LDLRAD4: variants seen among roughly 807,000 people sequenced by gnomAD.
LDLRAD4 encodes the protein low density lipoprotein receptor class A domain containing 4.
Under a neutral mutation model 17.0 loss-of-function variants are expected in LDLRAD4, and 5 were observed. That is an observed-to-expected ratio of 0.29 (90% CI 0.15 to 0.62). The LOEUF is 0.62. Among genes scored for constraint, LDLRAD4 ranks in the 20% least tolerant of loss-of-function variants. LDLRAD4 has a pLI of 0.84. For synonymous variants in LDLRAD4, 168 were observed against 171.8 expected (o/e 0.98, Z 0.17); for missense variants, 340 against 424.7 (o/e 0.80, Z 1.75).
intron 1 of LDLRAD4, among the ~76,000 whole-genome samples, chr18:13,270,761 C>T (rs774475067): frequency 6.6e-6 from 1 of 152,066 alleles, no homozygotes; most frequent in Non-Finnish European, 1.5e-5. Flanking sequence ...GGAGCGGAGA[C>T]CACAGCCAGC....
chr18:13,358,352 G>T lies in LDLRAD4; in HGVS notation c.-382-28989G>T, dbSNP rs144575089. 6.1e-3 allele frequency among the ~76,000 whole-genome samples: 912 copies of T among 148,844 alleles called. 14 individuals carry two copies. The highest frequency in any genetic ancestry group is 0.02 in the African/African-American group (751 of 38,476). On this transcript the variant is annotated intron_variant, in intron 1 of 5. Transcript: ENST00000359446. Reference sequence around the variant, plus strand: ...ATATATCTAGATTATTTTATATATAGAGAGAGATTATATGTTTTCACAAGA... The same window carrying T: ...ATATATCTAGATTATTTTATATATATAGAGAGATTATATGTTTTCACAAGA...
intron 1 of LDLRAD4, among the ~76,000 whole-genome samples, chr18:13,315,752 C>T (rs1199614721): frequency 6.8e-6 from 1 of 148,112 alleles, no homozygotes; most frequent in Non-Finnish European, 1.5e-5. Flanking sequence ...CCATTGCACT[C>T]CAGCCTGGGC....
chr18:13,355,191 G>A (rs933570014), intron 1 of LDLRAD4, among the ~76,000 whole-genome samples: 3 of 152,198 alleles, frequency 2.0e-5, no homozygotes, highest in Non-Finnish European at 2.9e-5. Flanking sequence ...TTTTTGTGAT[G>A]TTTAATCAGA....
intron 1 of LDLRAD4, among the ~76,000 whole-genome samples, chr18:13,339,939 C>T (rs972253373): frequency 1.3e-5 from 2 of 152,078 alleles, no homozygotes; most frequent in Admixed American, 1.3e-4. Flanking sequence ...AAACACTAAG[C>T]CCTGATTTTG....
intron 3 of LDLRAD4, among the ~76,000 whole-genome samples, chr18:13,456,551 A>G (rs1370657542): frequency 6.6e-6 from 1 of 152,218 alleles, no homozygotes; most frequent in East Asian, 1.9e-4. Context: ...TATGTGTTTA[A>G]TGACTTCTCT....
intron 3 of LDLRAD4, among the ~76,000 whole-genome samples, chr18:13,578,248 A>G (rs937023536): frequency 1.3e-5 from 2 of 152,234 alleles, no homozygotes; most frequent in African/African-American, 2.4e-5. Flanking sequence ...CTTTTTCCCC[A>G]TTAAATAATT....
At chr18:13,514,157 C>CAA (rs2093826908) in intron 3 of LDLRAD4, among the ~76,000 whole-genome samples, 1 of 152,144 alleles carries the variant, frequency 6.6e-6, no homozygotes, top group African/African-American at 2.4e-5. Flanking sequence ...ATAATAGGGG[C>CAA]CCACCCATTT....
chr18:13,446,918 A>G (rs1292241543), intron 3 of LDLRAD4, among the ~76,000 whole-genome samples: 1 of 152,108 alleles, frequency 6.6e-6, no homozygotes, highest in Non-Finnish European at 1.5e-5. Context: ...TCTGGCATTC[A>G]GCAGATTGGA....
At chr18:13,379,723 G>A (rs1286474917) in intron 1 of LDLRAD4, among the ~76,000 whole-genome samples, 1 of 152,222 alleles carries the variant, frequency 6.6e-6, no homozygotes, top group African/African-American at 2.4e-5. Flanking sequence ...CCTGCTGTGA[G>A]CTGACAGCAA....
chr18:13,407,521 A>G (rs997608946), intron 2 of LDLRAD4, among the ~76,000 whole-genome samples: 35 of 152,230 alleles, frequency 2.3e-4, no homozygotes, highest in African/African-American at 8.2e-4. Flanking sequence ...GTCTATGACC[A>G]TACCACCCTG....
intron 1 of LDLRAD4, among the ~76,000 whole-genome samples, chr18:13,219,205 C>T (rs1474859150): frequency 6.6e-6 from 1 of 151,904 alleles, no homozygotes; most frequent in Non-Finnish European, 1.5e-5. Context: ...CTTGGGTCAC[C>T]TACCTGGAGG....
chr18:13,280,530 G>A (rs770390302), intron 1 of LDLRAD4, among the ~76,000 whole-genome samples: 2 of 152,194 alleles, frequency 1.3e-5, no homozygotes, highest in Non-Finnish European at 2.9e-5. Context: ...TCAGGACTAC[G>A]GAAGTTTGCT....
At chr18:13,229,816 G>A (rs2041983846) in intron 1 of LDLRAD4, among the ~76,000 whole-genome samples, 1 of 152,210 alleles carries the variant, frequency 6.6e-6, no homozygotes. Flanking sequence ...CAAACTGGTG[G>A]AAGACAGGTG....
Position 13,621,201 on chromosome 18 carries a change from A to G in LDLRAD4, c.266A>G (p.Tyr89Cys). The G allele has an allele frequency of 6.2e-7, 1 of 1,614,102 alleles. No homozygotes were observed. Among genetic ancestry groups the G allele is most frequent in the Non-Finnish European group, 8.5e-7 (1 of 1,180,038 alleles). Residue 89 changes from tyrosine (Y) to cysteine (C), a missense_variant, in exon 4 of 6, where the codon TAC (tyrosine) becomes TGC (cysteine). Tyr to Cys is a radical substitution (Grantham distance 194). Transcript: ENST00000359446. This position sits in a 1 kb window ranked among gnomAD's most constrained non-coding sequence, Gnocchi z 5.5. The stretch of plus-strand genomic sequence containing the variant: ...GTCATCGTCTGCCTGCTGAACCACT[A>G]CAAAGTCTCCACGCGGTCCTTCATC...
At chr18:13,589,696 C>T (rs1229466853) in intron 3 of LDLRAD4, among the ~76,000 whole-genome samples, 1 of 152,120 alleles carries the variant, frequency 6.6e-6, no homozygotes, top group African/African-American at 2.4e-5. Flanking sequence ...CTTGGTAGGG[C>T]CTGACACTCT....
chr18:13,546,545 T>A (rs2094367002), intron 3 of LDLRAD4, among the ~76,000 whole-genome samples: 1 of 151,988 alleles, frequency 6.6e-6, no homozygotes, highest in South Asian at 2.1e-4. Flanking sequence ...ATTTTTGCAT[T>A]TTTTGTAGAG....
rs560986432 is a variant in LDLRAD4, at chr18:13,305,873, A to G, written c.-383+27685A>G. ...GCTTTTATATGGTAGAAGGATGGCTATTAGAAAGCTCACCTATAGACTCTA... is the reference window on the plus strand; with the variant it reads ...GCTTTTATATGGTAGAAGGATGGCTGTTAGAAAGCTCACCTATAGACTCTA... On this transcript the variant is annotated intron_variant, in intron 1 of 5. Transcript: ENST00000359446. Among the ~76,000 whole-genome samples the G allele has an allele frequency of 6.6e-5, 10 of 152,368 alleles. No individual in the cohort carries two copies. The South Asian group carries it at 2.1e-3, about 32-fold the overall frequency.
chr18:13,530,140 C>T (rs1480166609), intron 3 of LDLRAD4, among the ~76,000 whole-genome samples: 1 of 152,212 alleles, frequency 6.6e-6, no homozygotes, highest in Non-Finnish European at 1.5e-5. Flanking sequence ...TGCTTCCAGC[C>T]ATGTGTCTCC....
intron 2 of LDLRAD4, among the ~76,000 whole-genome samples, chr18:13,408,539 A>T (rs1338024537): frequency 6.6e-6 from 1 of 151,648 alleles, no homozygotes; most frequent in Non-Finnish European, 1.5e-5. Context: ...GTGGCGTGAT[A>T]TTGGCTCACT....
Sources: allele counts gnomAD v4.1 joint callset (sites outside exome capture counted in the v4.1 genomes callset), GRCh38; gene constraint gnomAD v4.1.1; non-coding constraint Gnocchi (gnomAD v3.1); transcripts MANE v1.5; gene names NCBI Gene and HGNC (gene_info 2026-07-23, HGNC 2026-07-21).